TBL1XR1: variants seen among roughly 807,000 people sequenced by gnomAD.
TBL1XR1 encodes F-box-like/WD repeat-containing protein TBL1XR1.
In TBL1XR1, 5 loss-of-function variants were observed where a neutral mutation model predicts 66.9. That is an observed-to-expected ratio of 0.07 (90% CI 0.04 to 0.16). TBL1XR1 has a LOEUF of 0.16. TBL1XR1 is among the 10% of genes least tolerant of loss of function. The pLI is 1.00. For synonymous variants in TBL1XR1, 210 were observed against 206.0 expected, an observed-to-expected ratio of 1.02 and a Z score of -0.17; for missense variants, 238 against 623.2, an observed-to-expected ratio of 0.38 and a Z score of 6.58.
chr3:177,096,730 A>G (rs1392687642), intron 2 of TBL1XR1, among the ~76,000 whole-genome samples: 1 of 152,246 alleles, frequency 6.6e-6, no homozygotes, highest in African/African-American at 2.4e-5. Flanking sequence ...TGTTTCTTTC[A>G]TGAGAAACTC....
chr3:177,090,748 T>C (rs1722726172), intron 2 of TBL1XR1, among the ~76,000 whole-genome samples: 1 of 151,346 alleles, frequency 6.6e-6, no homozygotes, highest in Admixed American at 6.6e-5. Context: ...GAGGCGGAGG[T>C]TGCAGTGAGC....
chr3:177,075,464 CT>C (rs1247990423), intron 2 of TBL1XR1, among the ~76,000 whole-genome samples: 7 of 152,236 alleles, frequency 4.6e-5, no homozygotes, highest in Admixed American at 4.6e-4. Flanking sequence ...CTCAACATAT[CT>C]TTGTGGGGAC....
intron 1 of TBL1XR1, among the ~76,000 whole-genome samples, chr3:177,142,375 G>C (rs1263433220): frequency 1.3e-5 from 2 of 152,164 alleles, no homozygotes; most frequent in East Asian, 3.8e-4. Flanking sequence ...GCAAACTAAG[G>C]AACAGGTTCT....
At chr3:177,188,550 A>G (rs1052792247) in intron 1 of TBL1XR1, among the ~76,000 whole-genome samples, 1 of 152,090 alleles carries the variant, frequency 6.6e-6, no homozygotes, top group African/African-American at 2.4e-5. Flanking sequence ...TCCGTCAAAA[A>G]AAAGAAATTA....
Position 177,154,002 on chromosome 3 carries a change from G to GA in TBL1XR1, c.-122+43118dup, listed in dbSNP as rs569948868. ...AATAATTACTAAATCAAGGCGCCAA[G>GA]AAAAAAAAAGAACAGATAAGACAAA... On this transcript the variant is annotated intron_variant, in intron 1 of 15. Coordinates refer to ENST00000457928, the MANE Select transcript of TBL1XR1 (RefSeq NM_024665.7). Among the ~76,000 whole-genome samples, 16 of 145,074 alleles carry GA rather than the reference G, an allele frequency of 1.1e-4. No homozygotes were observed. The South Asian group carries it at 2.8e-3, about 26-fold the overall frequency.
chr3:177,119,737 T>G (rs1163160192), intron 1 of TBL1XR1, among the ~76,000 whole-genome samples: 1 of 152,198 alleles, frequency 6.6e-6, no homozygotes, highest in African/African-American at 2.4e-5. Flanking sequence ...ACTGGCATAC[T>G]TGCGTGGCTA....
At chr3:177,130,742 G>T (rs1469192596) in intron 1 of TBL1XR1, among the ~76,000 whole-genome samples, 1 of 152,210 alleles carries the variant, frequency 6.6e-6, no homozygotes, top group Non-Finnish European at 1.5e-5. Flanking sequence ...GGCAAAAACA[G>T]ACCTGTAAAG....
At chr3:177,026,029 CA>C (rs1161187337) in intron 15 of TBL1XR1, 16 of 296,814 alleles carry the variant, frequency 5.4e-5, no homozygotes, top group Admixed American at 1.1e-4. Context: ...TTCCCTGGGC[CA>C]AAAAAATTCT....
intron 1 of TBL1XR1, among the ~76,000 whole-genome samples, chr3:177,175,570 C>T (rs1734056677): frequency 6.6e-6 from 1 of 152,120 alleles, no homozygotes; most frequent in African/African-American, 2.4e-5. Context: ...GGTGAACACA[C>T]TTAATTTTTT....
In TBL1XR1 at chr3:177,129,004, A is replaced by C. The variant is rs555035096; in HGVS notation, c.-121-30463T>G. On this transcript the variant is annotated intron_variant, in intron 1 of 15. Coordinates refer to ENST00000457928, the MANE Select transcript of TBL1XR1 (RefSeq NM_024665.7). ...ATAACTCCACTTACACGTGATTCAA[A>C]TTTCATGTTCAGCACGGTCATTTTT... 2.0e-5 allele frequency among the ~76,000 whole-genome samples: 3 copies of C among 152,224 alleles called. No homozygotes were observed. The South Asian group carries it at 6.2e-4, about 32-fold the overall frequency.
chr3:177,089,836 A>G (rs569087568), intron 2 of TBL1XR1, among the ~76,000 whole-genome samples: 3 of 152,366 alleles, frequency 2.0e-5, no homozygotes, highest in Non-Finnish European at 4.4e-5. Flanking sequence ...ATATGCAAAC[A>G]GTTCTAAAAT....
At chr3:177,175,840 C>T (rs898663569) in intron 1 of TBL1XR1, among the ~76,000 whole-genome samples, 11 of 151,990 alleles carry the variant, frequency 7.2e-5, no homozygotes, top group Admixed American at 2.0e-4. Flanking sequence ...GTGCGGATCT[C>T]GAGGTCAGGA....
rs200342152 is a variant in TBL1XR1, at chr3:177,072,486, A to T, written c.-45-7464T>A. On this transcript the variant is annotated intron_variant, in intron 2 of 15. Coordinates refer to ENST00000457928, the MANE Select transcript of TBL1XR1 (RefSeq NM_024665.7). Reference sequence around the variant, plus strand: ...CTATGCACTCAAAAAAAAAAAAAAAATTCCCTGAAGAATATCCTTGAATGA... The same window carrying T: ...CTATGCACTCAAAAAAAAAAAAAAATTTCCCTGAAGAATATCCTTGAATGA... Among the ~76,000 whole-genome samples the T allele has an allele frequency of 2.7e-5, 4 of 149,680 alleles. No individual in the cohort carries two copies. The South Asian group carries it at 8.4e-4, about 31-fold the overall frequency.
intron 1 of TBL1XR1, among the ~76,000 whole-genome samples, chr3:177,172,261 C>CAAAAA (rs35087965): frequency 0.011 from 1,097 of 100,194 alleles, 18 homozygotes; most frequent in African/African-American, 0.042. Context: ...ACTCCCACCT[C>CAAAAA]AAAAAAAAAA....
upstream of TBL1XR1, among the ~76,000 whole-genome samples, chr3:177,197,623 C>T (rs1184847720): frequency 8.7e-6 from 1 of 114,622 alleles, no homozygotes; most frequent in Non-Finnish European, 1.8e-5. Flanking sequence ...CTGCGCCGGG[C>T]GGGCGGGCGA....
At chr3:177,042,806 C>T (rs1455138358) in intron 10 of TBL1XR1, among the ~76,000 whole-genome samples, 5 of 152,086 alleles carry the variant, frequency 3.3e-5, no homozygotes, top group Non-Finnish European at 5.9e-5. Context: ...GTCTGCTCCA[C>T]CCCTCTTCTG....
chr3:177,082,738 T>TTTTTTATATATATATATATATA (rs1450061640), intron 2 of TBL1XR1, among the ~76,000 whole-genome samples: 1 of 63,234 alleles, frequency 1.6e-5, no homozygotes, highest in East Asian at 5.0e-4. Flanking sequence ...AAGATAGAGA[T>TTTTTTATATATATATATATATA]TATATATATA....
chr3:177,150,449 G>A (rs866215247), intron 1 of TBL1XR1, among the ~76,000 whole-genome samples: 24 of 152,156 alleles, frequency 1.6e-4, no homozygotes, highest in African/African-American at 5.1e-4. Context: ...CAAATCCAGA[G>A]ACCAAAAGCT....
chr3:177,054,458 T>C (rs1180750919), intron 3 of TBL1XR1, among the ~76,000 whole-genome samples: 1 of 152,210 alleles, frequency 6.6e-6, no homozygotes. Context: ...AATTCATTCA[T>C]TCTGAATGAT....
Sources: gnomAD v4.1 joint callset for allele counts (sites outside exome capture counted in the v4.1 genomes callset) on GRCh38, gnomAD v4.1.1 for gene constraint, MANE v1.5 for transcripts, NCBI Gene and HGNC (gene_info 2026-07-23, HGNC 2026-07-21) for gene names.